Variants in ANK3 observed in about 807,000 individuals in gnomAD.
ANK3 encodes ankyrin-3.
A neutral mutation model predicts 370.9 loss-of-function variants in ANK3; 57 were observed. The ratio of observed to expected loss-of-function variants is 0.15; its 90% CI spans 0.12 to 0.19. The LOEUF is 0.19. Among genes scored for constraint, ANK3 ranks in the 10% least tolerant of loss-of-function variants. The pLI, the probability that ANK3 is intolerant of heterozygous loss-of-function variation, is 1.00. For synonymous variants in ANK3, 1,929 were observed against 1,946.3 expected (o/e 0.99, Z 0.23); for missense variants, 4,439 against 5,302.1 (o/e 0.84, Z 5.06).
In ANK3 at chr10:60,076,351, C is replaced by T. The variant is rs757803121; in HGVS notation, c.4530G>A (p.Pro1510=). Residue 1510 remains proline, a synonymous_variant, in exon 37 of 44, where the codon CCG becomes CCA. Transcript: ENST00000280772. ...TRPYQSWTTA[P]ITVPGPAKSG... is the part of the protein sequence containing the mutation. ...ACTTGGCTGGCCCAGGCACTGTAAT[C>T]GGAGCTGTTGTCCAGGACTGGTATG... The T allele has an allele frequency of 2.3e-5, 37 of 1,613,864 alleles. No individual in the cohort carries two copies. Among genetic ancestry groups the T allele is most frequent in the South Asian group, 1.3e-4 (12 of 91,072 alleles).
intron 1 of ANK3, among the ~76,000 whole-genome samples, chr10:60,616,317 T>A (rs555940395): frequency 3.3e-5 from 5 of 152,278 alleles, no homozygotes; most frequent in African/African-American, 4.8e-5. Context: ...ATAAAAGCAA[T>A]GCACATTCAT....
At chr10:60,572,605 C>A (rs2077626581) in intron 2 of ANK3, 8 of 1,516,078 alleles carry the variant, frequency 5.3e-6, no homozygotes. Context: ...GGCAAAGAGT[C>A]AAAGCATTGA....
At chr10:60,207,988 G>T (rs146695843) in intron 10 of ANK3, 48 bp downstream of exon 10, 1 of 1,527,210 alleles carries the variant, frequency 6.5e-7, no homozygotes, top group African/African-American at 1.4e-5. Flanking sequence ...GAGGCAGCAC[G>T]TTGTGAGCAA....
intron 8 of ANK3, among the ~76,000 whole-genome samples, chr10:60,226,554 AG>A (rs1303946755): frequency 6.1e-4 from 13 of 21,204 alleles, no homozygotes; most frequent in Admixed American, 2.1e-3. Flanking sequence ...TATATACTAT[AG>A]TATATATACA....
rs745558838 is a variant in ANK3, at chr10:60,068,985, CAGTGGTGGTGGTGGT to C, written c.11881_11895del (p.Thr3961_Thr3965del). The C allele has an allele frequency of 5.0e-6, 8 of 1,612,980 alleles. No homozygotes were observed. In the Admixed American group the frequency reaches 5.0e-5, roughly 10 times the overall value. ...GTGGTGGTAGTGGTGGTGGTGGTGG[CAGTGGTGGTGGTGGT>C]AGTGACACAGGTGGATCTTACCTTT... On this transcript the variant is annotated inframe_deletion, in exon 37 of 44. Transcript: ENST00000280772.
At chr10:60,601,036 T>C (rs1050107483) in intron 2 of ANK3, among the ~76,000 whole-genome samples, 3 of 151,882 alleles carry the variant, frequency 2.0e-5, no homozygotes, top group African/African-American at 7.3e-5. Flanking sequence ...AAGGGAGAGG[T>C]TAGATTTTGG....
chr10:60,030,763 T>C (rs1432243942), intron 43 of ANK3, among the ~76,000 whole-genome samples: 2 of 152,182 alleles, frequency 1.3e-5, no homozygotes, highest in East Asian at 1.9e-4. Flanking sequence ...CAAGTGGCAA[T>C]ACACCTTTCT....
At chr10:60,715,215 A>ATGTGTGTGTGTGTGTG (rs5785463) in intron 1 of ANK3, among the ~76,000 whole-genome samples, 293 of 147,290 alleles carry the variant, frequency 2.0e-3, no homozygotes, top group South Asian at 7.7e-3. Flanking sequence ...ACATATACAA[A>ATGTGTGTGTGTGTGTG]TGTGTGTGTG....
At chr10:60,650,366 CAAAAAAAA>C (rs869281312) in intron 1 of ANK3, among the ~76,000 whole-genome samples, 1 of 27,220 alleles carries the variant, frequency 3.7e-5, no homozygotes, top group Non-Finnish European at 9.0e-5. Context: ...TACTACTTTA[CAAAAAAAA>C]AAAAAAAAAA....
intron 2 of ANK3, among the ~76,000 whole-genome samples, chr10:60,448,848 G>A (rs1021701355): frequency 2.0e-5 from 3 of 152,182 alleles, no homozygotes; most frequent in Non-Finnish European, 4.4e-5. Flanking sequence ...TATTGTAACC[G>A]ATATTCACAG....
intron 28 of ANK3, among the ~76,000 whole-genome samples, chr10:60,088,846 ATATAAG>A (rs1245950967): frequency 2.0e-5 from 3 of 152,172 alleles, no homozygotes; most frequent in Non-Finnish European, 4.4e-5. Context: ...AAAACTATTA[ATATAAG>A]TATTTGTAGA....
At chr10:60,203,644 T>C (rs1006254121) in intron 11 of ANK3, among the ~76,000 whole-genome samples, 16 of 152,242 alleles carry the variant, frequency 1.1e-4, no homozygotes, top group African/African-American at 3.9e-4. Flanking sequence ...TGTTTAACTT[T>C]ATGGGTATTA....
rs1308771053 is a variant in ANK3, at chr10:60,515,097, T to C, written c.96+100089A>G. Among the ~76,000 whole-genome samples the C allele has an allele frequency of 3.9e-5, 6 of 152,322 alleles. No homozygotes were observed. The East Asian group carries it at 1.2e-3, about 29-fold the overall frequency. ...ATAATATGTAGGAATACTAGAGCTA[T>C]ACTATAAGAAGTTCTGATCAGGAAA... On this transcript the variant is annotated intron_variant, in intron 2 of 43. Transcript: ENST00000373827.
In ANK3 at chr10:60,400,275, T is replaced by C. The variant is rs533987245; in HGVS notation, c.97-120636A>G. Among the ~76,000 whole-genome samples the C allele has an allele frequency of 3.3e-5, 5 of 152,344 alleles. No homozygotes were observed. In the East Asian group the frequency reaches 9.6e-4, roughly 29 times the overall value. ...GTGTCTATTTTTAACAATAATTTTC[T>C]AGCCAATTTGAGTTTTTAAAAAGAT... On this transcript the variant is annotated intron_variant, in intron 2 of 43. Transcript: ENST00000373827.
intron 1 of ANK3, among the ~76,000 whole-genome samples, chr10:60,358,248 C>G (rs1031881665): frequency 2.0e-5 from 3 of 152,074 alleles, no homozygotes; most frequent in Non-Finnish European, 2.9e-5. Flanking sequence ...TATCTTGCTC[C>G]TCTCTTTAAC....
intron 2 of ANK3, among the ~76,000 whole-genome samples, chr10:60,514,776 T>TA (rs777909437): frequency 2.0e-5 from 3 of 152,110 alleles, no homozygotes; most frequent in African/African-American, 2.4e-5. Flanking sequence ...CACTAAAGGA[T>TA]AAAAAACTAG....
chr10:60,352,461 T>C (rs1395330832), intron 1 of ANK3, among the ~76,000 whole-genome samples: 12 of 152,216 alleles, frequency 7.9e-5, no homozygotes, highest in Admixed American at 7.9e-4. Context: ...AGCTCTCATT[T>C]AGACAGATGT....
chr10:60,606,948 A>G (rs1029166984), intron 2 of ANK3, among the ~76,000 whole-genome samples: 4 of 152,192 alleles, frequency 2.6e-5, no homozygotes, highest in Non-Finnish European at 4.4e-5. Flanking sequence ...GATGTATGGA[A>G]CACACCCAAC....
chr10:60,179,747 G>A (rs1415004060), intron 18 of ANK3, among the ~76,000 whole-genome samples: 1 of 151,958 alleles, frequency 6.6e-6, no homozygotes, highest in Admixed American at 6.6e-5. Context: ...AGGAAACTGT[G>A]GTGGAGTCCT....
Sources: gnomAD v4.1 joint callset for allele counts (sites outside exome capture counted in the v4.1 genomes callset) on GRCh38, gnomAD v4.1.1 for gene constraint, MANE v1.5 for transcripts, NCBI Gene and HGNC (gene_info 2026-07-23, HGNC 2026-07-21) for gene names.